Variants in ARHGEF9 observed in about 807,000 individuals in gnomAD.
ARHGEF9 encodes rho guanine nucleotide exchange factor 9.
A neutral mutation model predicts 41.3 loss-of-function variants in ARHGEF9; 2 were observed. The ratio of observed to expected loss-of-function variants is 0.05; its 90% CI spans 0.02 to 0.15. The LOEUF (loss-of-function observed/expected upper bound fraction) is 0.15. Ranked by LOEUF, ARHGEF9 falls within the 10% of genes least tolerant of loss-of-function variation. ARHGEF9 has a pLI of 1.00. For missense variants in ARHGEF9, 225 were observed against 424.7 expected (o/e 0.53, Z 4.13); for synonymous variants, 160 against 154.4 (o/e 1.04, Z -0.27).
intron 3 of ARHGEF9, 60 bp downstream of exon 3, chrX:63,706,197 AG>A (rs1180444997): frequency 5.5e-6 from 6 of 1,082,237 alleles, no homozygotes; most frequent in Non-Finnish European, 7.5e-6. Flanking sequence ...TGTCACAGGC[AG>A]GGCCCAGGAG....
At chrX:63,661,030 C>A (rs186004921) in intron 7 of ARHGEF9, among the ~76,000 whole-genome samples, 4 of 111,927 alleles carry the variant, frequency 3.6e-5, no homozygotes, top group Non-Finnish European at 7.5e-5. Flanking sequence ...TGATTTGACA[C>A]TGAGGAAAAT....
intron 3 of ARHGEF9, among the ~76,000 whole-genome samples, chrX:63,698,199 T>C (rs1376535077): frequency 1.8e-5 from 2 of 108,431 alleles, no homozygotes; most frequent in African/African-American, 6.6e-5. Flanking sequence ...TCCTAACACC[T>C]AACACATGTG....
Position 63,635,848 on chromosome X carries a change from C to G in ARHGEF9, c.*2180G>C. ...GTGAGAAGTTGGAAAAAGAGGTACACTGAAGGGAGGCCTGCATAGCTACCA... is the reference window on the plus strand; with the variant it reads ...GTGAGAAGTTGGAAAAAGAGGTACAGTGAAGGGAGGCCTGCATAGCTACCA... On this transcript the variant is annotated 3_prime_UTR_variant, in exon 10 of 10. Transcript: ENST00000671741. 6.5e-6 allele frequency: 1 copy of G among 152,854 alleles called. No individual in the cohort carries two copies. The highest frequency in any genetic ancestry group is 1.2e-5 in the Non-Finnish European group (1 of 81,971). 12.6% of individuals were successfully genotyped at this position (152,854 alleles called of 1,213,427 possible).
intron 1 of ARHGEF9, among the ~76,000 whole-genome samples, chrX:63,728,917 A>G (rs2054129678): frequency 1.8e-5 from 2 of 111,674 alleles, no homozygotes; most frequent in Admixed American, 1.9e-4. Context: ...AGAGAAGAAG[A>G]CTGGGAAATG....
At chrX:63,659,821 C>T (rs1379791801) in intron 7 of ARHGEF9, among the ~76,000 whole-genome samples, 1 of 111,692 alleles carries the variant, frequency 9.0e-6, no homozygotes, top group Non-Finnish European at 1.9e-5. Context: ...AAATGCTCTG[C>T]ATTTATTAAC....
chrX:63,776,682 T>A (rs1556458693), intron 1 of ARHGEF9, among the ~76,000 whole-genome samples: 2 of 111,056 alleles, frequency 1.8e-5, no homozygotes, highest in African/African-American at 6.6e-5. Flanking sequence ...GTGCAGAGAG[T>A]AAAGCCTGAA....
At chrX:63,706,570 T>C in intron 2 of ARHGEF9, 121 bp from the exon 3 acceptor site, 1 of 863,750 alleles carries the variant, frequency 1.2e-6, no homozygotes, top group Non-Finnish European at 1.6e-6. Context: ...ACCAGAGACC[T>C]GTGCAAGTAG....
intron 1 of ARHGEF9, among the ~76,000 whole-genome samples, chrX:63,777,977 C>T (rs781956954): frequency 4.6e-4 from 52 of 112,479 alleles, no homozygotes; most frequent in South Asian, 1.5e-3. Flanking sequence ...TTCTGGTGTC[C>T]GGAGGACAGT....
intron 4 of ARHGEF9, among the ~76,000 whole-genome samples, chrX:63,692,396 A>G (rs1469843583): frequency 1.8e-5 from 2 of 112,637 alleles, no homozygotes; most frequent in African/African-American, 3.2e-5. Context: ...AAAAGTGGGC[A>G]AATGCTCTGA....
In ARHGEF9 at chrX:63,638,011, C is replaced by T. The variant is rs2047399786; in HGVS notation, c.*17G>A. 8.4e-7 allele frequency: 1 copy of T among 1,188,285 alleles called. No homozygotes were observed. The highest frequency in any genetic ancestry group is 1.8e-5 in the African/African-American group (1 of 56,724). On this transcript the variant is annotated 3_prime_UTR_variant, in exon 10 of 10. Transcript: ENST00000671741. Reference sequence around the variant, plus strand: ...TTTATTTACTTTATTTTAAAATTATCTGCCTCCCTGTAGGTATCATTTTTT... The same window carrying T: ...TTTATTTACTTTATTTTAAAATTATTTGCCTCCCTGTAGGTATCATTTTTT...
At chrX:63,778,963 G>T (rs2056337879) in intron 1 of ARHGEF9, among the ~76,000 whole-genome samples, 2 of 112,187 alleles carry the variant, frequency 1.8e-5, no homozygotes, top group Non-Finnish European at 3.8e-5. Flanking sequence ...TAACCTGAAA[G>T]TACCTATAAA....
intron 1 of ARHGEF9, among the ~76,000 whole-genome samples, chrX:63,776,908 A>T (rs2056302784): frequency 9.0e-6 from 1 of 111,263 alleles, no homozygotes; most frequent in Admixed American, 9.6e-5. Flanking sequence ...CTGATCACCA[A>T]CTGCCTATTA....
At position 63,637,630 on chromosome X, in the gene ARHGEF9, G is replaced by A; in HGVS notation, c.*398C>T. ...ACACATCTATCGTAATAATGACAAG[G>A]CAGTGAATCACTCACAGGGGAGTAA... On this transcript the variant is annotated 3_prime_UTR_variant, in exon 10 of 10. Coordinates refer to ENST00000671741, the MANE Select transcript of ARHGEF9 (RefSeq NM_001353921.2). 9.9e-6 allele frequency: 2 copies of A among 202,949 alleles called. No homozygotes were observed. Among genetic ancestry groups the A allele is most frequent in the Non-Finnish European group, 1.8e-5 (2 of 112,025 alleles). The allele number at this position is 202,949 out of a possible 1,213,427, so 16.7% of individuals were successfully genotyped here. A position where few individuals can be genotyped will look rare whatever the true frequency, so the allele number is the denominator to read the frequency against.
At chrX:63,696,537 T>C (rs782199721) in intron 4 of ARHGEF9, among the ~76,000 whole-genome samples, 24 of 112,140 alleles carry the variant, frequency 2.1e-4, no homozygotes, top group Non-Finnish European at 1.9e-4. Flanking sequence ...TTCCTATTTT[T>C]GTCACTTCAC....
At chrX:63,683,993 T>C (rs1178847817) in intron 4 of ARHGEF9, among the ~76,000 whole-genome samples, 4 of 109,858 alleles carry the variant, frequency 3.6e-5, no homozygotes, top group Admixed American at 1.9e-4. Context: ...AAAGCTGCTA[T>C]GCAGAAAAAA....
intron 8 of ARHGEF9, among the ~76,000 whole-genome samples, chrX:63,646,705 C>A (rs1410250454): frequency 1.8e-5 from 2 of 111,951 alleles, no homozygotes; most frequent in Non-Finnish European, 3.8e-5. Flanking sequence ...ATTGACTTGG[C>A]AATGCGGGCT....
intron 1 of ARHGEF9, among the ~76,000 whole-genome samples, chrX:63,753,770 T>A (rs1360624191): frequency 8.9e-6 from 1 of 111,771 alleles, no homozygotes; most frequent in Non-Finnish European, 1.9e-5. Context: ...TCTTTCAAAA[T>A]TGAAAATTGT....
Position 63,636,026 on chromosome X carries a change from T to C in ARHGEF9, c.*2002A>G, listed in dbSNP as rs2047299715. 8.9e-6 allele frequency: 1 copy of C among 112,427 alleles called. No individual in the cohort carries two copies. Among genetic ancestry groups the C allele is most frequent in the African/African-American group, 3.2e-5 (1 of 30,853 alleles). The allele number at this position is 112,427 out of a possible 1,213,427, so 9.3% of individuals were successfully genotyped here. A position where few individuals can be genotyped will look rare whatever the true frequency, so the allele number is the denominator to read the frequency against. ...GATCAGGCTCATCCTTGACTTATAA[T>C]ACAAGTCTGACTTGGTTGTGATGGA... On this transcript the variant is annotated 3_prime_UTR_variant, in exon 10 of 10. Coordinates refer to ENST00000671741, the MANE Select transcript of ARHGEF9 (RefSeq NM_001353921.2).
Position 63,678,450 on chromosome X carries a change from C to T in ARHGEF9, c.705G>A (p.Gln235=). The change falls in exon 5 of 10, where the codon CAG becomes CAA. Residue 235 remains glutamine (Q), a synonymous_variant. Transcript: ENST00000671741. ...QHFFEACRLL[Q]QMIDIAIDGF... Reference sequence around the variant, plus strand: ...CATCGATAGCAATGTCAATCATCTGCTGCAAGAGGCGACAGGCCTCAAAGA... The same window carrying T: ...CATCGATAGCAATGTCAATCATCTGTTGCAAGAGGCGACAGGCCTCAAAGA... 8.3e-7 allele frequency: 1 copy of T among 1,205,432 alleles called. No individual in the cohort carries two copies. The highest frequency in any genetic ancestry group is 1.1e-6 in the Non-Finnish European group (1 of 892,109).
Sources: allele counts gnomAD v4.1 joint callset (sites outside exome capture counted in the v4.1 genomes callset), GRCh38; gene constraint gnomAD v4.1.1; transcripts MANE v1.5; gene names NCBI Gene and HGNC (gene_info 2026-07-23, HGNC 2026-07-21).